DAAM2: variants seen among roughly 807,000 people sequenced by gnomAD.
DAAM2 encodes the protein dishevelled associated activator of morphogenesis 2, also known as disheveled-associated activator of morphogenesis 2.
A neutral mutation model predicts 120.7 loss-of-function variants in DAAM2; 39 were observed. The ratio of observed to expected loss-of-function variants is 0.32; its 90% confidence interval spans 0.25 to 0.42. The LOEUF (loss-of-function observed/expected upper bound fraction) is 0.42, where lower values mean the gene tolerates loss of function less well. Ranked by LOEUF, DAAM2 falls within the 10% of genes least tolerant of loss-of-function variation. The pLI is 1.00. For synonymous variants in DAAM2, 488 were observed against 524.9 expected (o/e 0.93, Z 0.96); for missense variants, 1,283 against 1,401.7 (o/e 0.92, Z 1.35).
At chr6:39,851,880 C>T (rs1361722528) in intron 1 of DAAM2, among the ~76,000 whole-genome samples, 4 of 152,280 alleles carry the variant, frequency 2.6e-5, no homozygotes, top group African/African-American at 7.2e-5. Context: ...GCTGAACTCC[C>T]GCTGGTGAGT....
chr6:39,897,899 G>A (rs949311637), intron 21 of DAAM2, among the ~76,000 whole-genome samples: 2 of 152,114 alleles, frequency 1.3e-5, no homozygotes, highest in Non-Finnish European at 2.9e-5. Context: ...TGACTGTATG[G>A]GCACCACCAC....
In DAAM2 at chr6:39,867,556, A is replaced by G. The variant is rs776598813; in HGVS notation, c.475A>G (p.Asn159Asp). ...GCTGGAGGGCTTGACCTGTCTGCTAAATTTCCTCCGGAGCATGGACCACGC... is the reference window on the plus strand; with the variant it reads ...GCTGGAGGGCTTGACCTGTCTGCTAGATTTCCTCCGGAGCATGGACCACGC... ...IELEGLTCLL[N>D]FLRSMDHATC... is the part of the protein sequence containing the mutation. The change falls in exon 6 of 25, where the codon AAT (asparagine) becomes GAT (aspartate). Residue 159 changes from asparagine to aspartate, a missense_variant. Coordinates refer to ENST00000274867, the MANE Select transcript of DAAM2 (RefSeq NM_001201427.2). 1.9e-6 allele frequency: 3 copies of G among 1,614,034 alleles called. No individual in the cohort carries two copies. In the South Asian group the frequency reaches 3.3e-5, roughly 18 times the overall value.
chr6:39,794,911 C>G (rs1458108342), intron 1 of DAAM2, among the ~76,000 whole-genome samples: 1 of 152,160 alleles, frequency 6.6e-6, no homozygotes, highest in South Asian at 2.1e-4. Flanking sequence ...CCCCTCGGAA[C>G]AGGATTCCCA....
chr6:39,880,991 T>C (rs1298492514), intron 14 of DAAM2, among the ~76,000 whole-genome samples: 1 of 152,190 alleles, frequency 6.6e-6, no homozygotes, highest in African/African-American at 2.4e-5. Flanking sequence ...ACATTTTGTA[T>C]TGTGGTAAAA....
intron 1 of DAAM2, among the ~76,000 whole-genome samples, chr6:39,850,682 C>T (rs1763775692): frequency 6.6e-6 from 1 of 152,096 alleles, no homozygotes; most frequent in African/African-American, 2.4e-5. Flanking sequence ...AAGAAGGGAT[C>T]GTGGTATCAT....
chr6:39,800,737 T>A (rs1761837588), intron 1 of DAAM2, among the ~76,000 whole-genome samples: 1 of 152,226 alleles, frequency 6.6e-6, no homozygotes, highest in Non-Finnish European at 1.5e-5. Flanking sequence ...ACCTGGCCCC[T>A]CTGCCGCAAT....
chr6:39,899,960 T>A (rs573663951), intron 22 of DAAM2, 117 bp from the exon 23 acceptor site: 1 of 1,095,476 alleles, frequency 9.1e-7, no homozygotes, highest in East Asian at 3.9e-5. Flanking sequence ...AGATGCAGGG[T>A]GTTCCCTCTT....
intron 1 of DAAM2, among the ~76,000 whole-genome samples, chr6:39,827,379 A>G (rs1762712406): frequency 6.6e-6 from 1 of 152,134 alleles, no homozygotes; most frequent in Non-Finnish European, 1.5e-5. Flanking sequence ...GGAGGAGTTG[A>G]GTCCATTTGC....
At chr6:39,868,621 TGC>T in intron 6 of DAAM2, 200 bp from the exon 7 acceptor site, 1 of 572,488 alleles carries the variant, frequency 1.7e-6, no homozygotes, top group Non-Finnish European at 3.1e-6. Context: ...GAGGCAGCAC[TGC>T]CACTGAGGTG....
chr6:39,864,942 G>T (rs1322596390), intron 4 of DAAM2, 38 bp from the exon 5 acceptor site: 1 of 1,570,548 alleles, frequency 6.4e-7, no homozygotes, highest in South Asian at 1.2e-5. Context: ...GCAGAGGGTT[G>T]GGAGACAGGC....
intron 1 of DAAM2, among the ~76,000 whole-genome samples, chr6:39,849,898 C>T (rs1029663947): frequency 6.6e-6 from 1 of 152,114 alleles, no homozygotes; most frequent in Non-Finnish European, 1.5e-5. Context: ...GGGGCCATTT[C>T]CTGGGTGACT....
chr6:39,848,162 G>T (rs182932382), intron 1 of DAAM2, among the ~76,000 whole-genome samples: 210 of 152,242 alleles, frequency 1.4e-3, no homozygotes, highest in African/African-American at 4.3e-3. Flanking sequence ...ACTTCTTCTG[G>T]TGAATGTTCC....
At chr6:39,820,182 T>C (rs1302788398) in intron 1 of DAAM2, 1 of 131,518 alleles carries the variant, frequency 7.6e-6, no homozygotes, top group African/African-American at 2.8e-5. Context: ...CCTCTGGTAA[T>C]CTGGCCTGGT....
intron 1 of DAAM2, among the ~76,000 whole-genome samples, chr6:39,831,883 AGGGGGCAGGTGCACTG>A (rs1428141621): frequency 2.4e-4 from 3 of 12,482 alleles, no homozygotes; most frequent in African/African-American, 6.4e-4. Flanking sequence ...AGTTGTACTG[AGGGGGCAGGTGCACTG>A]GGGGGCAGGT....
chr6:39,843,778 A>G (rs1763448719), intron 1 of DAAM2, among the ~76,000 whole-genome samples: 4 of 152,134 alleles, frequency 2.6e-5, no homozygotes, highest in African/African-American at 7.2e-5. Flanking sequence ...GCCTGTGAGT[A>G]GGTACAGGGT....
intron 1 of DAAM2, among the ~76,000 whole-genome samples, chr6:39,823,866 C>G (rs555500893): frequency 1.5e-4 from 23 of 152,248 alleles, no homozygotes; most frequent in African/African-American, 5.3e-4. Flanking sequence ...CCCTGCCTCT[C>G]CATCCTCTTC....
chr6:39,884,037 G>C lies in DAAM2; in HGVS notation c.1921G>C (p.Glu641Gln), dbSNP rs776608770. 5.0e-6 allele frequency: 8 copies of C among 1,612,142 alleles called. No individual in the cohort carries two copies. Among genetic ancestry groups the C allele is most frequent in the Non-Finnish European group, 6.8e-6 (8 of 1,178,738 alleles). The change falls in exon 15 of 25, where the codon GAA becomes CAA. Residue 641 changes from glutamate to glutamine, a missense_variant. Physicochemically the swap from Glu to Gln is conservative, Grantham distance 29. Transcript: ENST00000274867. ...VFRILDLEDF[E>Q]KMFSAYQRHQ... Reference sequence around the variant, plus strand: ...TCGGATCCTGGACCTAGAGGATTTTGAAAAGATGTTTTCAGCCTACCAGAG... The same window carrying C: ...TCGGATCCTGGACCTAGAGGATTTTCAAAAGATGTTTTCAGCCTACCAGAG...
In DAAM2 at chr6:39,900,242, C is replaced by A; in HGVS notation, c.2811+34C>A. On this transcript the variant is annotated intron_variant, in intron 23 of 24. Transcript: ENST00000274867. ...GCCCCAACCCCCACTGCTTGCCAACCCAGCCTTATCTAAACAAGCTCCTTC... is the reference window on the plus strand; with the variant it reads ...GCCCCAACCCCCACTGCTTGCCAACACAGCCTTATCTAAACAAGCTCCTTC... 4 of 1,601,680 alleles carry A rather than the reference C, an allele frequency of 2.5e-6. 1 individual carries two copies. Among genetic ancestry groups the A allele is most frequent in the Middle Eastern group, 3.4e-4 (2 of 5,826 alleles).
At chr6:39,845,797 A>C (rs2149263472) in intron 1 of DAAM2, among the ~76,000 whole-genome samples, 1 of 151,382 alleles carries the variant, frequency 6.6e-6, no homozygotes, top group South Asian at 2.1e-4. Flanking sequence ...TCCCATTCCT[A>C]GTCCTCTTTG....
Sources: allele counts gnomAD v4.1 joint callset (sites outside exome capture counted in the v4.1 genomes callset), GRCh38; gene constraint gnomAD v4.1.1; transcripts MANE v1.5; gene names NCBI Gene and HGNC (gene_info 2026-07-23, HGNC 2026-07-21).